The following GALNTL6 variants were observed in gnomAD, a reference collection of about 807,000 sequenced individuals.
GALNTL6 encodes polypeptide N-acetylgalactosaminyltransferase-like 6.
GALNTL6 carries 46 observed loss-of-function variants against 73.7 expected under a neutral mutation model. The ratio of observed to expected loss-of-function variants is 0.62; its 90% CI spans 0.49 to 0.80. The LOEUF (loss-of-function observed/expected upper bound fraction) is 0.80, where lower values mean the gene tolerates loss of function less well. Ranked by LOEUF, GALNTL6 falls within the 30% of genes least tolerant of loss-of-function variation. The probability of loss-of-function intolerance (pLI) is 0.00; values close to 1 mark genes in which losing one functional copy is unlikely to be tolerated. For synonymous variants in GALNTL6, 259 were observed against 263.7 expected, an observed-to-expected ratio of 0.98 and a Z score of 0.17; for missense variants, 604 against 755.0, an observed-to-expected ratio of 0.80 and a Z score of 2.34.
chr4:172,586,100 G>T (rs971627958), intron 5 of GALNTL6, among the ~76,000 whole-genome samples: 1 of 152,160 alleles, frequency 6.6e-6, no homozygotes, highest in South Asian at 2.1e-4. Flanking sequence ...AGACAGTGCC[G>T]TGATTCCTTA....
At chr4:172,117,892 A>G (rs1438288582) in intron 2 of GALNTL6, among the ~76,000 whole-genome samples, 2 of 152,210 alleles carry the variant, frequency 1.3e-5, no homozygotes, top group African/African-American at 2.4e-5. Context: ...ACAACTGCCA[A>G]TTCTGGAGAT....
chr4:172,925,156 G>A (rs1258435173), intron 8 of GALNTL6, among the ~76,000 whole-genome samples: 2 of 150,218 alleles, frequency 1.3e-5, no homozygotes, highest in East Asian at 3.9e-4. Context: ...ACAGGCATGA[G>A]CCACCGCACC....
chr4:172,194,463 A>G (rs1025424981), intron 2 of GALNTL6, among the ~76,000 whole-genome samples: 7 of 152,210 alleles, frequency 4.6e-5, no homozygotes, highest in African/African-American at 1.7e-4. Context: ...GCTCAGTAGG[A>G]TAATCCATAA....
intron 2 of GALNTL6, among the ~76,000 whole-genome samples, chr4:172,205,633 G>C (rs1186880957): frequency 6.6e-6 from 1 of 152,174 alleles, no homozygotes; most frequent in Admixed American, 6.5e-5. Flanking sequence ...CTTACATGCA[G>C]AAGTACACTC....
chr4:172,571,506 GT>G (rs551675826), intron 5 of GALNTL6, among the ~76,000 whole-genome samples: 1 of 152,246 alleles, frequency 6.6e-6, no homozygotes, highest in Admixed American at 6.5e-5. Flanking sequence ...CTGAAGACAA[GT>G]TTTTTTAAAA....
chr4:172,891,693 A>T (rs1746038505), intron 8 of GALNTL6, among the ~76,000 whole-genome samples: 2 of 152,170 alleles, frequency 1.3e-5, no homozygotes. Flanking sequence ...CTCTAGCAAG[A>T]CTGGAAATTT....
intron 5 of GALNTL6, among the ~76,000 whole-genome samples, chr4:172,479,207 C>T (rs754816557): frequency 2.6e-5 from 4 of 152,106 alleles, no homozygotes; most frequent in African/African-American, 4.8e-5. Flanking sequence ...AAAAAAGACA[C>T]CTGCACTCAT....
chr4:171,919,467 T>C (rs59553412), intron 2 of GALNTL6, among the ~76,000 whole-genome samples: 6,014 of 152,116 alleles, frequency 0.04, 345 homozygotes, highest in African/African-American at 0.12. Context: ...AGAGCCCCAG[T>C]ACCAGAGCTA....
chr4:172,126,017 T>C (rs990603344), intron 2 of GALNTL6, among the ~76,000 whole-genome samples: 9 of 152,018 alleles, frequency 5.9e-5, no homozygotes, highest in African/African-American at 2.2e-4. Context: ...ATATACACAT[T>C]AGAATTTTTA....
chr4:172,589,940 A>G (rs1287676058), intron 5 of GALNTL6, among the ~76,000 whole-genome samples: 1 of 152,204 alleles, frequency 6.6e-6, no homozygotes, highest in Non-Finnish European at 1.5e-5. Context: ...GTAACTCTAG[A>G]TGAAATGTCT....
chr4:172,286,695 G>A (rs746540899), intron 3 of GALNTL6, among the ~76,000 whole-genome samples: 95 of 152,136 alleles, frequency 6.2e-4, no homozygotes, highest in Non-Finnish European at 2.9e-4. Flanking sequence ...GGAAGGCAGC[G>A]ATGGTGGTTG....
chr4:171,821,281 T>C (rs945076525), intron 2 of GALNTL6, among the ~76,000 whole-genome samples: 2 of 151,874 alleles, frequency 1.3e-5, no homozygotes, highest in African/African-American at 4.8e-5. Context: ...TGTCAAGAGA[T>C]CCCCCCACTT....
chr4:172,092,598 A>T (rs1354630), intron 2 of GALNTL6, among the ~76,000 whole-genome samples: 147,787 of 152,130 alleles, frequency 0.97, 71,923 homozygotes, highest in East Asian at 1. Context: ...CACTATAAAA[A>T]AATAGTCATT....
chr4:172,341,265 A>C (rs1432520317), intron 4 of GALNTL6, among the ~76,000 whole-genome samples: 62 of 151,034 alleles, frequency 4.1e-4, no homozygotes, highest in Non-Finnish European at 7.1e-4. Flanking sequence ...TCCCGGCTAA[A>C]ACGGTGAAAC....
chr4:171,894,764 G>T (rs1398106138), intron 2 of GALNTL6, among the ~76,000 whole-genome samples: 2 of 152,136 alleles, frequency 1.3e-5, no homozygotes, highest in African/African-American at 4.8e-5. Context: ...TTTTGAAGGG[G>T]CCTATTGTCA....
chr4:172,985,406 A>AT (rs1188861701), intron 10 of GALNTL6, among the ~76,000 whole-genome samples: 3 of 151,700 alleles, frequency 2.0e-5, no homozygotes, highest in East Asian at 1.9e-4. Context: ...AATATTTAAC[A>AT]TTTTTTCTTT....
intron 2 of GALNTL6, among the ~76,000 whole-genome samples, chr4:171,879,872 C>T (rs13101636): frequency 0.52 from 78,641 of 152,012 alleles, 21,765 homozygotes; most frequent in African/African-American, 0.73. Context: ...TGGAGGAACA[C>T]ATTCTTTTCA....
intron 3 of GALNTL6, among the ~76,000 whole-genome samples, chr4:172,249,120 C>A (rs2111009862): frequency 6.6e-6 from 1 of 152,180 alleles, no homozygotes; most frequent in African/African-American, 2.4e-5. Flanking sequence ...TTGGAACTTC[C>A]TAGAAGCTTG....
chr4:171,825,748 C>T (rs191306362), intron 2 of GALNTL6, among the ~76,000 whole-genome samples: 7 of 152,204 alleles, frequency 4.6e-5, no homozygotes, highest in Admixed American at 3.3e-4. Flanking sequence ...CTTTAAAAGA[C>T]AAGTTTCACA....
Sources: allele counts gnomAD v4.1 joint callset (sites outside exome capture counted in the v4.1 genomes callset), GRCh38; gene constraint gnomAD v4.1.1; transcripts MANE v1.5; gene names NCBI Gene and HGNC (gene_info 2026-07-23, HGNC 2026-07-21).